DAB1: variants seen among roughly 807,000 people sequenced by gnomAD.
The protein encoded by DAB1 is DAB adaptor protein 1.
In DAB1, 15 loss-of-function variants were observed where a neutral mutation model predicts 64.6. The observed-to-expected ratio is 0.23, with a 90% CI of 0.16 to 0.36. The LOEUF is 0.36. Among genes scored for constraint, DAB1 ranks in the 10% least tolerant of loss-of-function variants. The pLI is 1.00. For missense variants in DAB1, 596 were observed against 706.7 expected (o/e 0.84, Z 1.78); for synonymous variants, 235 against 251.9 (o/e 0.93, Z 0.64).
At chr1:58,191,364 A>G (rs1369437081) in intron 4 of DAB1, among the ~76,000 whole-genome samples, 1 of 152,188 alleles carries the variant, frequency 6.6e-6, no homozygotes, top group Non-Finnish European at 1.5e-5. Flanking sequence ...CTAGTTGCAA[A>G]CTTTTTAAAG....
chr1:57,330,338 G>C (rs1484200853), intron 1 of DAB1, among the ~76,000 whole-genome samples: 1 of 152,136 alleles, frequency 6.6e-6, no homozygotes, highest in Admixed American at 6.5e-5. Context: ...TTTACCACTA[G>C]GGTGGTGCAG....
chr1:58,426,033 C>T (rs1217115789), intron 3 of DAB1, among the ~76,000 whole-genome samples: 1 of 152,184 alleles, frequency 6.6e-6, no homozygotes, highest in East Asian at 1.9e-4. Context: ...TGGAAAGGGT[C>T]CAAAGTACAG....
At chr1:58,177,956 T>C (rs1162186922) in intron 4 of DAB1, among the ~76,000 whole-genome samples, 1 of 152,236 alleles carries the variant, frequency 6.6e-6, no homozygotes, top group Non-Finnish European at 1.5e-5. Flanking sequence ...TATTTTTTCA[T>C]CCATGAAATG....
intron 2 of DAB1, among the ~76,000 whole-genome samples, chr1:57,258,529 T>A (rs12084122): frequency 0.011 from 1,712 of 152,268 alleles, 28 homozygotes; most frequent in African/African-American, 0.038. Context: ...TGTCCTTCTC[T>A]TGTAACACAT....
At chr1:57,396,455 G>A (rs1330362423) in intron 1 of DAB1, among the ~76,000 whole-genome samples, 3 of 152,026 alleles carry the variant, frequency 2.0e-5, no homozygotes, top group Non-Finnish European at 2.9e-5. Context: ...ACATTTGGGG[G>A]AAAAAACACT....
At position 57,177,090 on chromosome 1, in the gene DAB1, A is replaced by G. The variant is rs114488951; in HGVS notation, c.68-31661T>C. ...GCAGGGACAGAAGTCCATCACCAAG[A>G]CAACTTAGCCCTAAGATCACTCCAA... is the stretch of plus-strand genomic sequence containing the variant. On this transcript the variant is annotated intron_variant, in intron 2 of 14. Coordinates refer to ENST00000371236, the MANE Select transcript of DAB1 (RefSeq NM_001365792.1). 1.0e-3 allele frequency among the ~76,000 whole-genome samples: 156 copies of G among 152,082 alleles called. 1 individual carries two copies. Among genetic ancestry groups the G allele is most frequent in the African/African-American group, 3.8e-3 (156 of 41,474 alleles).
intron 2 of DAB1, among the ~76,000 whole-genome samples, chr1:57,286,024 C>A (rs1570164524): frequency 6.6e-6 from 1 of 152,178 alleles, no homozygotes; most frequent in African/African-American, 2.4e-5. Flanking sequence ...GCTGTATGTG[C>A]AGTGACACAA....
At chr1:58,295,636 T>C (rs889984959) in intron 4 of DAB1, among the ~76,000 whole-genome samples, 7 of 152,166 alleles carry the variant, frequency 4.6e-5, no homozygotes, top group African/African-American at 1.7e-4. Context: ...GAAGAGTAGA[T>C]GAGAGATTTT....
rs143380870 is a variant in DAB1, at chr1:58,230,580, C to T, written n.310-79992G>A. On this transcript the variant is annotated intron_variant and non_coding_transcript_variant, in intron 4 of 20. Transcript: ENST00000485760. ...AGAACTGATACAAAGGACAAAGGGGCACCCTCTTACAAGGATTCCTTAGAA... is the reference window on the plus strand; with the variant it reads ...AGAACTGATACAAAGGACAAAGGGGTACCCTCTTACAAGGATTCCTTAGAA... Among the ~76,000 whole-genome samples the T allele has an allele frequency of 3.7e-3, 565 of 152,280 alleles. 1 individual carries two copies. Among genetic ancestry groups the T allele is most frequent in the Middle Eastern group, 6.8e-3 (2 of 294 alleles).
intron 5 of DAB1, among the ~76,000 whole-genome samples, chr1:57,917,893 G>T (rs982357426): frequency 1.6e-4 from 24 of 151,916 alleles, no homozygotes; most frequent in Admixed American, 6.6e-4. Flanking sequence ...TAATAATGAG[G>T]TATCATTTTC....
chr1:57,290,332 C>A (rs1025629474), intron 2 of DAB1, among the ~76,000 whole-genome samples: 1 of 152,050 alleles, frequency 6.6e-6, no homozygotes, highest in African/African-American at 2.4e-5. Context: ...GTCTCTGGAC[C>A]AGCAAGACTG....
chr1:57,969,198 A>G (rs1299207224), intron 5 of DAB1, among the ~76,000 whole-genome samples: 3 of 152,188 alleles, frequency 2.0e-5, no homozygotes, highest in African/African-American at 7.2e-5. Context: ...TGAAATTTTT[A>G]CAAAGAGTTC....
intron 7 of DAB1, among the ~76,000 whole-genome samples, chr1:57,453,979 G>A (rs1394406750): frequency 6.6e-6 from 1 of 152,098 alleles, no homozygotes; most frequent in East Asian, 1.9e-4. Context: ...ACCCCTCCCA[G>A]ACTCTTTCAC....
intron 1 of DAB1, among the ~76,000 whole-genome samples, chr1:57,423,135 G>A (rs1278118236): frequency 2.0e-4 from 30 of 151,076 alleles, no homozygotes; most frequent in Admixed American, 1.8e-3. Context: ...GAACCACAGA[G>A]ATTTAAAGTT....
At chr1:58,489,571 G>C (rs1645640011) in intron 3 of DAB1, among the ~76,000 whole-genome samples, 1 of 152,196 alleles carries the variant, frequency 6.6e-6, no homozygotes, top group African/African-American at 2.4e-5. Context: ...AAATGTCCCT[G>C]TCTGACAGCT....
At position 57,505,320 on chromosome 1, in the gene DAB1, C is replaced by T; in HGVS notation, n.625+144272G>A. Among the ~76,000 whole-genome samples, 2 of 152,182 alleles carry T rather than the reference C, an allele frequency of 1.3e-5. 1 individual carries two copies. On this transcript the variant is annotated intron_variant and non_coding_transcript_variant, in intron 7 of 20. Transcript: ENST00000485760. Reference sequence around the variant, plus strand: ...TACTCATTAGCTAATTTAATTTTCACAGCAACAGATGAGAATATTGAGTCC... The same window carrying T: ...TACTCATTAGCTAATTTAATTTTCATAGCAACAGATGAGAATATTGAGTCC...
intron 5 of DAB1, among the ~76,000 whole-genome samples, chr1:57,967,847 A>C (rs1645705290): frequency 6.6e-6 from 1 of 152,166 alleles, no homozygotes; most frequent in Non-Finnish European, 1.5e-5. Context: ...TATTATAAGG[A>C]CTGATGATAA....
chr1:57,855,716 G>A (rs1217121419), intron 1 of DAB1, among the ~76,000 whole-genome samples: 2 of 152,168 alleles, frequency 1.3e-5, no homozygotes, highest in Non-Finnish European at 2.9e-5. Context: ...AGTGGTAGGT[G>A]GAAGCCAGAC....
chr1:58,089,324 C>T (rs1241058269), intron 5 of DAB1, among the ~76,000 whole-genome samples: 1 of 152,274 alleles, frequency 6.6e-6, no homozygotes, highest in Non-Finnish European at 1.5e-5. Context: ...AGATAATGTG[C>T]ATGCAGCGCC....
Sources: gnomAD v4.1 joint callset for allele counts (sites outside exome capture counted in the v4.1 genomes callset) on GRCh38, gnomAD v4.1.1 for gene constraint, MANE v1.5 for transcripts, NCBI Gene and HGNC (gene_info 2026-07-23, HGNC 2026-07-21) for gene names.